The following GRM3 variants were observed in gnomAD, a reference collection of about 807,000 sequenced individuals.
The protein encoded by GRM3 is metabotropic glutamate receptor 3.
In GRM3, 26 loss-of-function variants were observed where a neutral mutation model predicts 70.5. The ratio of observed to expected loss-of-function variants is 0.37; its 90% CI spans 0.27 to 0.51. The LOEUF is 0.51. Among genes scored for constraint, GRM3 ranks in the 20% least tolerant of loss-of-function variants. The pLI, the probability that GRM3 is intolerant of heterozygous loss-of-function variation, is 0.93. For synonymous variants in GRM3, 443 were observed against 434.9 expected (o/e 1.02, Z -0.23); for missense variants, 859 against 1,123.8 (o/e 0.76, Z 3.37).
intron 3 of GRM3, among the ~76,000 whole-genome samples, chr7:86,818,809 T>TA (rs1460660892): frequency 6.6e-6 from 1 of 152,066 alleles, no homozygotes; most frequent in Non-Finnish European, 1.5e-5. Flanking sequence ...TTCAAGAAAG[T>TA]AAATACAACA....
At chr7:86,847,998 C>A (rs1168250937) in intron 4 of GRM3, among the ~76,000 whole-genome samples, 2 of 152,074 alleles carry the variant, frequency 1.3e-5, no homozygotes, top group African/African-American at 4.8e-5. Context: ...GTAATCATCC[C>A]CCACCTTGGG....
chr7:86,838,822 C>A lies in GRM3; in HGVS notation c.1325-17C>A. 2 of 1,458,298 alleles carry A rather than the reference C, an allele frequency of 1.4e-6. No homozygotes were observed. Among genetic ancestry groups the A allele is most frequent in the South Asian group, 1.3e-5 (1 of 78,898 alleles). 90.3% of individuals were successfully genotyped at this position (1,458,298 alleles called of 1,614,324 possible). A position where few individuals can be genotyped will look rare whatever the true frequency, so the allele number is the denominator to read the frequency against. On this transcript the variant is annotated splice_polypyrimidine_tract_variant and intron_variant, in intron 3 of 5. Transcript: ENST00000361669. ...TAAACAAGTGTTCTTTTTTTTCTTT[C>A]ACTTTACATATCACAGCTCCATTCA... is the stretch of plus-strand genomic sequence containing the variant.
At chr7:86,810,381 C>G (rs1256915029) in intron 3 of GRM3, among the ~76,000 whole-genome samples, 1 of 151,884 alleles carries the variant, frequency 6.6e-6, no homozygotes, top group African/African-American at 2.4e-5. Context: ...TGACATTCTG[C>G]TAGAAATTCA....
At chr7:86,711,159 CTAATT>C (rs1242864608) in intron 1 of GRM3, among the ~76,000 whole-genome samples, 9 of 151,638 alleles carry the variant, frequency 5.9e-5, no homozygotes, top group Admixed American at 2.6e-4. Context: ...TTTGTCTTCT[CTAATT>C]TAATTTAATT....
At chr7:86,808,291 C>G (rs1295118032) in intron 3 of GRM3, among the ~76,000 whole-genome samples, 1 of 152,028 alleles carries the variant, frequency 6.6e-6, no homozygotes, top group East Asian at 1.9e-4. Flanking sequence ...CCCTCTTTTT[C>G]TATTGATTGG....
chr7:86,859,365 A>G (rs1798911390), intron 5 of GRM3, among the ~76,000 whole-genome samples: 1 of 152,204 alleles, frequency 6.6e-6, no homozygotes, highest in East Asian at 1.9e-4. Flanking sequence ...TCATCTGCCC[A>G]GATAACATCT....
At chr7:86,862,829 T>C (rs1485165033) in intron 5 of GRM3, among the ~76,000 whole-genome samples, 1 of 152,180 alleles carries the variant, frequency 6.6e-6, no homozygotes, top group Non-Finnish European at 1.5e-5. Flanking sequence ...TAGTTGCTCC[T>C]GTTTAAGGAA....
At chr7:86,725,218 T>G (rs1046264724) in intron 1 of GRM3, among the ~76,000 whole-genome samples, 1 of 152,158 alleles carries the variant, frequency 6.6e-6, no homozygotes, top group Non-Finnish European at 1.5e-5. Flanking sequence ...AGGATTGATT[T>G]GAGGATTCAG....
At chr7:86,737,153 G>C (rs1352063740) in intron 1 of GRM3, among the ~76,000 whole-genome samples, 2 of 152,192 alleles carry the variant, frequency 1.3e-5, no homozygotes, top group Admixed American at 1.3e-4. Context: ...CCTTGAGCTT[G>C]AGGGGATGGA....
intron 2 of GRM3, among the ~76,000 whole-genome samples, chr7:86,773,761 C>A (rs1796806336): frequency 6.6e-6 from 1 of 152,100 alleles, no homozygotes; most frequent in Admixed American, 6.6e-5. Flanking sequence ...CTTTTGTTAG[C>A]ATTGCTTCAT....
chr7:86,827,176 C>T (rs892220915), intron 3 of GRM3, among the ~76,000 whole-genome samples: 4 of 152,126 alleles, frequency 2.6e-5, no homozygotes, highest in African/African-American at 9.7e-5. Context: ...AGAGCTGATA[C>T]CTTAAAGATA....
chr7:86,645,299 C>A (rs2115737071), intron 1 of GRM3, among the ~76,000 whole-genome samples: 1 of 152,246 alleles, frequency 6.6e-6, no homozygotes, highest in East Asian at 1.9e-4. Context: ...GTGGAGGTTG[C>A]AGGCAGAGGT....
At chr7:86,711,447 T>TACCATTTTATATACTTTTCC (rs1464736203) in intron 1 of GRM3, among the ~76,000 whole-genome samples, 2 of 152,140 alleles carry the variant, frequency 1.3e-5, no homozygotes, top group African/African-American at 4.8e-5. Context: ...AGCACTTTTC[T>TACCATTTTATATACTTTTCC]ACCATTTTAT....
chr7:86,858,105 C>T (rs1448022201), intron 5 of GRM3, among the ~76,000 whole-genome samples: 1 of 151,906 alleles, frequency 6.6e-6, no homozygotes, highest in East Asian at 1.9e-4. Flanking sequence ...TACAGGCACC[C>T]GCCACCACGC....
chr7:86,785,280 T>G (rs1383566090), intron 2 of GRM3, among the ~76,000 whole-genome samples: 1 of 152,214 alleles, frequency 6.6e-6, no homozygotes, highest in Non-Finnish European at 1.5e-5. Flanking sequence ...AATTATTCAG[T>G]ATGCATATAA....
chr7:86,644,693 G>A lies in GRM3; in HGVS notation c.-320G>A. 3.7e-6 allele frequency: 3 copies of A among 806,252 alleles called. No homozygotes were observed. Among genetic ancestry groups the A allele is most frequent in the South Asian group, 2.8e-5 (2 of 71,668 alleles). 49.9% of individuals were successfully genotyped at this position (806,252 alleles called of 1,614,324 possible). A position where few individuals can be genotyped will look rare whatever the true frequency, so the allele number is the denominator to read the frequency against. On this transcript the variant is annotated 5_prime_UTR_variant, in exon 1 of 6. Coordinates refer to ENST00000361669, the MANE Select transcript of GRM3 (RefSeq NM_000840.3). ...CTGTGACAGGAAGCTGCGCGCACAA[G>A]TTGGCCATTTCGAGGGCAAAATAAG... is the stretch of plus-strand genomic sequence containing the variant.
At chr7:86,731,173 T>C (rs906217827) in intron 1 of GRM3, among the ~76,000 whole-genome samples, 4 of 152,212 alleles carry the variant, frequency 2.6e-5, no homozygotes, top group Non-Finnish European at 5.9e-5. Flanking sequence ...TTGGATTCTT[T>C]TGATTGAATA....
chr7:86,701,267 C>T (rs116736034), intron 1 of GRM3, among the ~76,000 whole-genome samples: 2,047 of 151,826 alleles, frequency 0.013, 38 homozygotes, highest in African/African-American at 0.047. Context: ...AGAATAAACA[C>T]CTGCTAGTCT....
At chr7:86,731,729 T>C (rs2116279050) in intron 1 of GRM3, among the ~76,000 whole-genome samples, 1 of 152,290 alleles carries the variant, frequency 6.6e-6, no homozygotes, top group East Asian at 1.9e-4. Context: ...ATCTTGATGG[T>C]TACCTGTGTC....
Sources: gnomAD v4.1 joint callset for allele counts (sites outside exome capture counted in the v4.1 genomes callset) on GRCh38, gnomAD v4.1.1 for gene constraint, MANE v1.5 for transcripts, NCBI Gene and HGNC (gene_info 2026-07-23, HGNC 2026-07-21) for gene names.